Variants in NEK11 observed in about 807,000 individuals in gnomAD.
The protein encoded by NEK11 is serine/threonine-protein kinase Nek11.
NEK11 carries 72 observed loss-of-function variants against 80.7 expected under a neutral mutation model. The ratio of observed to expected loss-of-function variants is 0.89; its 90% confidence interval spans 0.74 to 1.08. The LOEUF is 1.08. Among genes scored for constraint, NEK11 ranks in the 50% least tolerant of loss-of-function variants. The probability of loss-of-function intolerance (pLI) is 0.00; values close to 1 mark genes in which losing one functional copy is unlikely to be tolerated. For synonymous variants in NEK11, 251 were observed against 260.7 expected, an observed-to-expected ratio of 0.96 and a Z score of 0.36; for missense variants, 764 against 763.6, an observed-to-expected ratio of 1.00 and a Z score of -0.01.
chr3:131,041,068 A>G (rs185679045), intron 3 of NEK11, among the ~76,000 whole-genome samples: 2 of 152,312 alleles, frequency 1.3e-5, no homozygotes, highest in Admixed American at 6.5e-5. Context: ...ACAAATGCAT[A>G]CACTGTGAGT....
intron 5 of NEK11, among the ~76,000 whole-genome samples, chr3:131,112,635 G>C (rs2080324499): frequency 6.6e-6 from 1 of 152,182 alleles, no homozygotes; most frequent in South Asian, 2.1e-4. Flanking sequence ...CAGGAGATCA[G>C]AAGAGAGATA....
intron 14 of NEK11, among the ~76,000 whole-genome samples, chr3:131,211,530 G>A (rs200834069): frequency 1.3e-5 from 2 of 152,076 alleles, no homozygotes; most frequent in African/African-American, 4.8e-5. Flanking sequence ...GCTAGGTTGG[G>A]GAAGTTCTTC....
At chr3:131,115,189 C>T (rs1157446422) in intron 5 of NEK11, among the ~76,000 whole-genome samples, 1 of 152,160 alleles carries the variant, frequency 6.6e-6, no homozygotes, top group Non-Finnish European at 1.5e-5. Flanking sequence ...CCCCCTTGTT[C>T]CTGCCTCACT....
At chr3:131,269,400 G>A (rs756403947) in intron 16 of NEK11, among the ~76,000 whole-genome samples, 1 of 152,214 alleles carries the variant, frequency 6.6e-6, no homozygotes, top group Non-Finnish European at 1.5e-5. Context: ...TGGTGGCATA[G>A]GCACCCGAGG....
At chr3:131,155,736 C>T (rs909312947) in intron 10 of NEK11, among the ~76,000 whole-genome samples, 2 of 152,162 alleles carry the variant, frequency 1.3e-5, no homozygotes, top group African/African-American at 4.8e-5. Context: ...TCATGCACAA[C>T]TATGGTATAC....
At chr3:131,207,879 G>A (rs2094492032) in intron 14 of NEK11, among the ~76,000 whole-genome samples, 2 of 152,176 alleles carry the variant, frequency 1.3e-5, no homozygotes, top group Non-Finnish European at 2.9e-5. Flanking sequence ...TTTGTCAGAT[G>A]GGTAGATTGC....
intron 4 of NEK11, among the ~76,000 whole-genome samples, chr3:131,089,955 A>G (rs1381814908): frequency 3.3e-5 from 5 of 152,224 alleles, no homozygotes; most frequent in Admixed American, 3.3e-4. Flanking sequence ...TTCATTTTAA[A>G]ATAAAAAGCA....
chr3:131,060,068 G>A (rs2070533924), intron 3 of NEK11, among the ~76,000 whole-genome samples: 2 of 152,182 alleles, frequency 1.3e-5, no homozygotes, highest in Admixed American at 1.3e-4. Flanking sequence ...GGCCCTATGT[G>A]ACTGCACAGG....
intron 14 of NEK11, among the ~76,000 whole-genome samples, chr3:131,220,680 G>T (rs1297412901): frequency 1.3e-5 from 2 of 152,224 alleles, no homozygotes; most frequent in East Asian, 3.9e-4. Context: ...TTCTGCTGAG[G>T]GCTCCCACCA....
chr3:131,044,214 C>T (rs917284323), intron 3 of NEK11, among the ~76,000 whole-genome samples: 3 of 151,994 alleles, frequency 2.0e-5, no homozygotes, highest in African/African-American at 4.8e-5. Flanking sequence ...AACCAGCTAG[C>T]ATCATAATGA....
intron 16 of NEK11, among the ~76,000 whole-genome samples, chr3:131,267,710 T>C (rs974550083): frequency 3.3e-5 from 5 of 152,094 alleles, no homozygotes; most frequent in African/African-American, 1.2e-4. Context: ...TAACCTTTTT[T>C]CCTTCATTTC....
At chr3:131,320,430 T>C (rs923750201) in intron 17 of NEK11, among the ~76,000 whole-genome samples, 3 of 152,130 alleles carry the variant, frequency 2.0e-5, no homozygotes, top group African/African-American at 4.8e-5. Context: ...TCTTAAGACA[T>C]AGAACAGTAG....
chr3:131,062,022 A>G (rs2070968565), intron 3 of NEK11, among the ~76,000 whole-genome samples: 1 of 152,234 alleles, frequency 6.6e-6, no homozygotes, highest in Admixed American at 6.5e-5. Flanking sequence ...GGGCACTAGT[A>G]ACAGTAGGCA....
At chr3:131,117,058 A>G (rs985500079) in intron 5 of NEK11, among the ~76,000 whole-genome samples, 64 of 152,340 alleles carry the variant, frequency 4.2e-4, no homozygotes, top group African/African-American at 1.5e-3. Context: ...GCACATGCCT[A>G]TGTCCTGAAT....
At chr3:131,075,464 ATTATTT>A (rs1173476476) in intron 3 of NEK11, among the ~76,000 whole-genome samples, 1 of 151,646 alleles carries the variant, frequency 6.6e-6, no homozygotes. Context: ...TGGCTTTTCC[ATTATTT>A]TTATCAATGT....
intron 17 of NEK11, among the ~76,000 whole-genome samples, chr3:131,346,104 T>A (rs2097359568): frequency 6.6e-6 from 1 of 152,108 alleles, no homozygotes; most frequent in South Asian, 2.1e-4. Flanking sequence ...GATGGACAAG[T>A]CTAGAGATCT....
rs71133688 is a variant in NEK11 at position 131,126,959 on chromosome 3, C to CTTTTT, written c.456-5767_456-5763dup. On this transcript the variant is annotated intron_variant, in intron 5 of 17. Coordinates refer to ENST00000383366, the MANE Select transcript of NEK11 (RefSeq NM_024800.5). ...ATGTTTTCTTTTTCTTTCTTTCTTTCTTTTTTTTTTTTTTTTTTTTTTTGA... is the reference window on the plus strand; with the variant it reads ...ATGTTTTCTTTTTCTTTCTTTCTTTCTTTTTTTTTTTTTTTTTTTTTTTTTTTTGA... Among the ~76,000 whole-genome samples the CTTTTT allele has an allele frequency of 2.9e-3, 263 of 90,110 alleles. 1 individual carries two copies. The highest frequency in any genetic ancestry group is 8.6e-3 in the African/African-American group (185 of 21,474). 59.1% of individuals were successfully genotyped at this position (90,110 alleles called of 152,430 possible).
intron 4 of NEK11, among the ~76,000 whole-genome samples, chr3:131,096,898 A>T (rs1303736772): frequency 4.2e-5 from 3 of 71,952 alleles, no homozygotes; most frequent in African/African-American, 1.2e-4. Context: ...CCCCCACCCC[A>T]CAACGGTCCC....
intron 16 of NEK11, among the ~76,000 whole-genome samples, chr3:131,265,029 A>T (rs1581109386): frequency 6.6e-6 from 1 of 151,962 alleles, no homozygotes; most frequent in Admixed American, 6.6e-5. Context: ...TGTTATTGGT[A>T]TATAGGAATG....
Sources: gnomAD v4.1 joint callset for allele counts (sites outside exome capture counted in the v4.1 genomes callset) on GRCh38, gnomAD v4.1.1 for gene constraint, MANE v1.5 for transcripts, NCBI Gene and HGNC (gene_info 2026-07-23, HGNC 2026-07-21) for gene names.